NCALD: variants seen among roughly 807,000 people sequenced by gnomAD.
The protein encoded by NCALD is neurocalcin delta.
A neutral mutation model predicts 18.6 loss-of-function variants in NCALD; 10 were observed. The ratio of observed to expected loss-of-function variants is 0.54; its 90% CI spans 0.33 to 0.91. The LOEUF is 0.91. NCALD is among the 40% of genes least tolerant of loss of function. The pLI is 0.03. For synonymous variants in NCALD, 88 were observed against 87.4 expected, an observed-to-expected ratio of 1.01 and a Z score of -0.04; for missense variants, 184 against 247.6, an observed-to-expected ratio of 0.74 and a Z score of 1.72.
intron 4 of NCALD, among the ~76,000 whole-genome samples, chr8:101,803,292 T>C (rs1812938775): frequency 6.6e-6 from 1 of 152,324 alleles, no homozygotes; most frequent in Non-Finnish European, 1.5e-5. Flanking sequence ...GTTTACAGCA[T>C]GGGTTACTAT....
At chr8:102,117,613 C>CAAAA (rs35595637) in intron 1 of NCALD, among the ~76,000 whole-genome samples, 1 of 118,936 alleles carries the variant, frequency 8.4e-6, no homozygotes, top group Non-Finnish European at 1.9e-5. Flanking sequence ...ACTTTCAACT[C>CAAAA]AAAAAAAAAA....
At chr8:101,804,458 T>C (rs1812998444) in intron 4 of NCALD, among the ~76,000 whole-genome samples, 2 of 129,802 alleles carry the variant, frequency 1.5e-5, no homozygotes, top group South Asian at 4.4e-4. Context: ...ATTAATTATA[T>C]AATATATAAC....
At chr8:101,902,875 T>G (rs372555766) in intron 3 of NCALD, among the ~76,000 whole-genome samples, 1 of 152,162 alleles carries the variant, frequency 6.6e-6, no homozygotes, top group East Asian at 1.9e-4. Context: ...CTGACCTAAC[T>G]AAATACCACC....
At chr8:101,922,142 T>C (rs553154283) in intron 2 of NCALD, among the ~76,000 whole-genome samples, 21 of 146,772 alleles carry the variant, frequency 1.4e-4, no homozygotes, top group Non-Finnish European at 2.4e-4. Flanking sequence ...TTTTAGACTT[T>C]GAGATTTTAC....
intron 1 of NCALD, among the ~76,000 whole-genome samples, chr8:101,766,090 A>T (rs1477303171): frequency 6.6e-6 from 1 of 152,122 alleles, no homozygotes; most frequent in East Asian, 1.9e-4. Context: ...TATTTTCGTT[A>T]TTCTTAACTT....
intron 2 of NCALD, among the ~76,000 whole-genome samples, chr8:101,940,265 G>T (rs1818907263): frequency 6.6e-6 from 1 of 152,164 alleles, no homozygotes; most frequent in Admixed American, 6.5e-5. Context: ...TCCCTTAGGT[G>T]GCAATAGGAA....
intron 2 of NCALD, among the ~76,000 whole-genome samples, chr8:101,941,220 G>C (rs767111042): frequency 1.3e-5 from 2 of 152,190 alleles, no homozygotes; most frequent in African/African-American, 4.8e-5. Flanking sequence ...ATGGACCAGG[G>C]TGGGAGGACA....
chr8:101,727,827 T>G lies in NCALD; in HGVS notation c.-19-8179A>C, dbSNP rs115582786. 6.5e-3 allele frequency among the ~76,000 whole-genome samples: 988 copies of G among 152,358 alleles called. 13 individuals are homozygous for G. Among genetic ancestry groups the G allele is most frequent in the African/African-American group, 0.022 (910 of 41,588 alleles). ...CAGTTCTCTCTCTGCTCCAGGCACC[T>G]TGGCCTCCTGGATGTCCCATCTTTT... On this transcript the variant is annotated intron_variant, in intron 1 of 3. Coordinates refer to ENST00000220931, the MANE Select transcript of NCALD (RefSeq NM_032041.3).
chr8:101,765,679 A>G (rs191616904), intron 1 of NCALD, among the ~76,000 whole-genome samples: 123 of 152,266 alleles, frequency 8.1e-4, no homozygotes, highest in African/African-American at 2.4e-3. Flanking sequence ...AGTATCTTCC[A>G]AACTCAAAGC....
Position 101,866,585 on chromosome 8 carries a change from T to C in NCALD, c.-20+20556A>G, listed in dbSNP as rs1235772450. Among the ~76,000 whole-genome samples the C allele has an allele frequency of 3.3e-5, 5 of 152,204 alleles. No individual in the cohort carries two copies. The South Asian group carries it at 8.3e-4, about 25-fold the overall frequency. Reference sequence around the variant, plus strand: ...GTTTCCTTCCCAGTCATTCCTATTCTCATAACGGCAATTCCATTCTGGTTG... The same window carrying C: ...GTTTCCTTCCCAGTCATTCCTATTCCCATAACGGCAATTCCATTCTGGTTG... On this transcript the variant is annotated intron_variant, in intron 4 of 6. Transcript: ENST00000311028.
intron 2 of NCALD, among the ~76,000 whole-genome samples, chr8:101,961,441 G>GT (rs1038264251): frequency 2.0e-5 from 3 of 152,112 alleles, no homozygotes; most frequent in Non-Finnish European, 2.9e-5. Flanking sequence ...AAGTTCAATA[G>GT]TTTTTTTCTA....
rs548887438 is a variant in NCALD, at chr8:101,800,069, C to T, written c.-19-80421G>A. On this transcript the variant is annotated intron_variant, in intron 4 of 6. Transcript: ENST00000311028. ...AGTAAAAAACTGAGAGAATTAATTC[C>T]AACAGAATCACACCAAATTTCTCAA... is the stretch of plus-strand genomic sequence containing the variant. Among the ~76,000 whole-genome samples the T allele has an allele frequency of 2.0e-5, 3 of 151,962 alleles. No homozygotes were observed. In the East Asian group the frequency reaches 5.8e-4, roughly 29 times the overall value.
intron 1 of NCALD, among the ~76,000 whole-genome samples, chr8:102,045,351 T>C (rs1388290532): frequency 6.6e-6 from 1 of 152,178 alleles, no homozygotes; most frequent in East Asian, 1.9e-4. Context: ...CTCACTGAAA[T>C]GCACATAGCT....
At chr8:101,948,407 C>T (rs528802611) in intron 2 of NCALD, among the ~76,000 whole-genome samples, 8 of 152,110 alleles carry the variant, frequency 5.3e-5, no homozygotes, top group South Asian at 2.1e-4. Context: ...CTTAGTGGAT[C>T]GGAAGAAAAA....
At position 101,690,843 on chromosome 8, in the gene NCALD, C is replaced by T. The variant is rs142448938; in HGVS notation, c.485-1437G>A. 3.7e-5 allele frequency: 36 copies of T among 985,350 alleles called. No homozygotes were observed. The African/African-American group carries it at 5.2e-4, about 14-fold the overall frequency. The allele number at this position is 985,350 out of a possible 1,614,324, so 61.0% of individuals were successfully genotyped here. ...CAAGGCATGAGGGAAGGGAGACAGG[C>T]GTGATCTCTGAACACTTTGCAGTCT... On this transcript the variant is annotated intron_variant, in intron 3 of 3. Coordinates refer to ENST00000220931, the MANE Select transcript of NCALD (RefSeq NM_032041.3).
intron 2 of NCALD, among the ~76,000 whole-genome samples, chr8:101,996,730 T>C (rs1821252699): frequency 6.6e-6 from 1 of 152,206 alleles, no homozygotes; most frequent in African/African-American, 2.4e-5. Context: ...GAGACAACCA[T>C]GGCAACTAAC....
intron 2 of NCALD, among the ~76,000 whole-genome samples, chr8:101,917,370 T>C (rs1818007380): frequency 6.6e-6 from 1 of 151,978 alleles, no homozygotes; most frequent in African/African-American, 2.4e-5. Flanking sequence ...ACTAAACACC[T>C]ACCTCCAAAA....
At chr8:101,810,936 G>A (rs552054020) in intron 4 of NCALD, among the ~76,000 whole-genome samples, 82 of 151,976 alleles carry the variant, frequency 5.4e-4, no homozygotes, top group South Asian at 5.0e-3. Flanking sequence ...ATAACTATCC[G>A]CTCCTGGGAA....
intron 1 of NCALD, among the ~76,000 whole-genome samples, chr8:102,102,068 T>TC (rs1825300987): frequency 6.6e-6 from 1 of 152,252 alleles, no homozygotes; most frequent in Non-Finnish European, 1.5e-5. Flanking sequence ...TTGTAGTGTT[T>TC]TTCTTATTAT....
Sources: gnomAD v4.1 joint callset for allele counts (sites outside exome capture counted in the v4.1 genomes callset) on GRCh38, gnomAD v4.1.1 for gene constraint, MANE v1.5 for transcripts, NCBI Gene and HGNC (gene_info 2026-07-23, HGNC 2026-07-21) for gene names.